ZNF592: variants seen among roughly 807,000 people sequenced by gnomAD.
ZNF592 encodes the protein spinocerebellar ataxia, autosomal recessive 5.
A neutral mutation model predicts 80.3 loss-of-function variants in ZNF592; 11 were observed. The ratio of observed to expected loss-of-function variants is 0.14; its 90% CI spans 0.09 to 0.23. The LOEUF (loss-of-function observed/expected upper bound fraction) is 0.23, where lower values mean the gene tolerates loss of function less well. Ranked by LOEUF, ZNF592 falls within the 10% of genes least tolerant of loss-of-function variation. The pLI is 1.00. For missense variants in ZNF592, 1,420 were observed against 1,633.9 expected (o/e 0.87, Z 2.26); for synonymous variants, 646 against 640.3 (o/e 1.01, Z -0.13).
In ZNF592 at chr15:84,750,828, A is replaced by G. The variant is rs1596101060; in HGVS notation, c.-259+2164A>G. 2.0e-5 allele frequency among the ~76,000 whole-genome samples: 3 copies of G among 152,188 alleles called. No individual in the cohort carries two copies. In the East Asian group the frequency reaches 5.8e-4, roughly 29 times the overall value. The stretch of plus-strand genomic sequence containing the variant: ...GAGGCCTGTGGGGCTGGAGGGGGAA[A>G]GGGAGAGGGGAGATTAGTCTGGAGA... On this transcript the variant is annotated intron_variant, in intron 1 of 10. Transcript: ENST00000560079.
In ZNF592 at chr15:84,790,748, T is replaced by C; in HGVS notation, c.2264T>C (p.Phe755Ser). 1 of 1,614,154 alleles carries C rather than the reference T, an allele frequency of 6.2e-7. No homozygotes were observed. Among genetic ancestry groups the C allele is most frequent in the Non-Finnish European group, 8.5e-7 (1 of 1,180,016 alleles). ...CQMLLPNQCSFCAHQRIHAHK... is the reference protein window; with the variant it reads ...CQMLLPNQCSSCAHQRIHAHK... The stretch of plus-strand genomic sequence containing the variant: ...ATGCTGCTGCCCAACCAGTGCAGTT[T>C]CTGTGCCCACCAGCGGATTCATGCA... Residue 755 changes from phenylalanine (F) to serine (S), a missense_variant, in exon 5 of 11, where the codon TTC becomes TCC. Phe to Ser is a radical substitution (Grantham distance 155, BLOSUM62 -2). Coordinates refer to ENST00000560079, the MANE Select transcript of ZNF592 (RefSeq NM_014630.3).
At chr15:84,764,217 C>T (rs1356521218) in intron 1 of ZNF592, among the ~76,000 whole-genome samples, 1 of 152,168 alleles carries the variant, frequency 6.6e-6, no homozygotes, top group Non-Finnish European at 1.5e-5. Context: ...TCTTTCTGTC[C>T]TCTCTGCATG....
Position 84,802,781 on chromosome 15 carries a change from G to A in ZNF592, c.*388G>A, listed in dbSNP as rs868368168. Reference sequence around the variant, plus strand: ...GCCTTCAGCCAGGGCGCTCCTCAGAGCTCTATTTTCCTGCAGACACCAGCT... The same window carrying A: ...GCCTTCAGCCAGGGCGCTCCTCAGAACTCTATTTTCCTGCAGACACCAGCT... On this transcript the variant is annotated 3_prime_UTR_variant, in exon 11 of 11. Coordinates refer to ENST00000560079, the MANE Select transcript of ZNF592 (RefSeq NM_014630.3). 2.7e-5 allele frequency: 7 copies of A among 261,570 alleles called. No individual in the cohort carries two copies. The highest frequency in any genetic ancestry group is 1.4e-3 in the Middle Eastern group (1 of 728). The allele number at this position is 261,570 out of a possible 1,614,324, so 16.2% of individuals were successfully genotyped here.
At chr15:84,769,124 A>G (rs1205291392) in intron 2 of ZNF592, among the ~76,000 whole-genome samples, 1 of 152,080 alleles carries the variant, frequency 6.6e-6, no homozygotes, top group African/African-American at 2.4e-5. Context: ...TATTTTTAGT[A>G]GAGACAGGGT....
In ZNF592 at chr15:84,799,190, A is replaced by G. The variant is rs781210439; in HGVS notation, c.3117A>G (p.Val1039=). ...RKHIRNNHDT[V]KKFYTCGYCT... Reference sequence around the variant, plus strand: ...ACATCCGCAACAACCATGACACAGTAAAGAAGTTCTACACCTGCGGGTGAG... The same window carrying G: ...ACATCCGCAACAACCATGACACAGTGAAGAAGTTCTACACCTGCGGGTGAG... Residue 1039 remains valine, a synonymous_variant, in exon 9 of 11, where the codon GTA becomes GTG. Coordinates refer to ENST00000560079, the MANE Select transcript of ZNF592 (RefSeq NM_014630.3). The surrounding 1 kb of genome is among the most constrained non-coding windows in gnomAD (Gnocchi z 4.2). The G allele has an allele frequency of 1.9e-6, 3 of 1,614,096 alleles. No homozygotes were observed. Among genetic ancestry groups the G allele is most frequent in the Middle Eastern group, 1.6e-4 (1 of 6,062 alleles).
chr15:84,773,161 A>G (rs963778305), intron 2 of ZNF592, among the ~76,000 whole-genome samples: 1 of 151,002 alleles, frequency 6.6e-6, no homozygotes, highest in African/African-American at 2.4e-5. Flanking sequence ...AGATAAAATC[A>G]TCTTTTGTCT....
intron 1 of ZNF592, among the ~76,000 whole-genome samples, chr15:84,749,162 A>C (rs190518916): frequency 6.6e-6 from 1 of 152,204 alleles, no homozygotes; most frequent in South Asian, 2.1e-4. Context: ...CCTGAGCCCA[A>C]GTTCTGACCC....
chr15:84,802,369 C>G lies in ZNF592; in HGVS notation c.3780C>G (p.Ser1260Arg). Residue 1260 changes from serine to arginine, a missense_variant, in exon 11 of 11, where the codon AGC becomes AGG. Physicochemically the swap from Ser to Arg is moderately radical, Grantham distance 110. This residue lies in a region of ZNF592 where 24 missense variants were observed against 16.7 expected (regional missense o/e 1.44). Transcript: ENST00000560079. ...CACAGGCCTCTCAGGACCAGGACAG[C>G]CACACACTGTCCCCTCAGGTGTGAC... ...SQPQASQDQD[S>R]HTLSPQV is the part of the protein sequence containing the mutation. 1 of 1,613,718 alleles carries G rather than the reference C, an allele frequency of 6.2e-7. No individual in the cohort carries two copies. The highest frequency in any genetic ancestry group is 8.5e-7 in the Non-Finnish European group (1 of 1,180,030).
In ZNF592 at chr15:84,783,526, G is replaced by A. The variant is rs1205849460; in HGVS notation, c.851G>A (p.Cys284Tyr). 2 of 1,614,222 alleles carry A rather than the reference G, an allele frequency of 1.2e-6. No individual in the cohort carries two copies. The highest frequency in any genetic ancestry group is 1.3e-5 in the African/African-American group (1 of 75,064). Residue 284 changes from cysteine (C) to tyrosine (Y), a missense_variant, in exon 4 of 11, where the codon TGT becomes TAT. Physicochemically the swap from Cys to Tyr is radical, Grantham distance 194. This residue lies in a region of ZNF592 where 373 missense variants were observed against 355.5 expected (regional missense o/e 1.05). Coordinates refer to ENST00000560079, the MANE Select transcript of ZNF592 (RefSeq NM_014630.3). This position sits in a 1 kb window ranked among gnomAD's most constrained non-coding sequence, Gnocchi z 5.0. ...LKPAHSKLSSCVAALVALQAK... is the reference protein window; with the variant it reads ...LKPAHSKLSSYVAALVALQAK... ...CCAGCTCATTCCAAGCTGTCCTCTTGTGTGGCAGCCTTGGTGGCCTTGCAG... is the reference window on the plus strand; with the variant it reads ...CCAGCTCATTCCAAGCTGTCCTCTTATGTGGCAGCCTTGGTGGCCTTGCAG...
At chr15:84,755,444 G>C (rs919254485) in intron 1 of ZNF592, among the ~76,000 whole-genome samples, 4 of 151,838 alleles carry the variant, frequency 2.6e-5, no homozygotes, top group African/African-American at 9.7e-5. Flanking sequence ...AAACTTTTTT[G>C]AGTAGTCCAG....
At chr15:84,801,600 C>T (rs1963098142) in intron 10 of ZNF592, among the ~76,000 whole-genome samples, 1 of 152,160 alleles carries the variant, frequency 6.6e-6, no homozygotes, top group African/African-American at 2.4e-5. Context: ...AGCCACAAAC[C>T]CAGGTAATAT....
At chr15:84,757,892 G>A (rs1899225041) in intron 1 of ZNF592, among the ~76,000 whole-genome samples, 1 of 150,302 alleles carries the variant, frequency 6.7e-6, no homozygotes, top group Non-Finnish European at 1.5e-5. Flanking sequence ...AAACTCCTGA[G>A]CTCAGGCAGT....
rs1596134075 is a variant in ZNF592, at chr15:84,797,730, G to A, written c.2400-139G>A. 4.1e-6 allele frequency: 4 copies of A among 977,370 alleles called. No individual in the cohort carries two copies. In the East Asian group the frequency reaches 9.9e-5, roughly 24 times the overall value. The allele number at this position is 977,370 out of a possible 1,614,324, so 60.5% of individuals were successfully genotyped here. The stretch of plus-strand genomic sequence containing the variant: ...CCTCAGGACGTACTTGTCAAGGGTG[G>A]AAGTCCAAGTGATTGAGGGAGGGAG... On this transcript the variant is annotated intron_variant, in intron 5 of 10. Coordinates refer to ENST00000560079, the MANE Select transcript of ZNF592 (RefSeq NM_014630.3).
chr15:84,794,528 T>C (rs1368670759), intron 5 of ZNF592, among the ~76,000 whole-genome samples: 2 of 151,770 alleles, frequency 1.3e-5, no homozygotes, highest in Admixed American at 1.3e-4. Context: ...CAGGCTGGAG[T>C]GCAGTGGCGC....
intron 2 of ZNF592, among the ~76,000 whole-genome samples, chr15:84,774,498 G>A (rs1962184535): frequency 6.6e-6 from 1 of 152,192 alleles, no homozygotes; most frequent in African/African-American, 2.4e-5. Flanking sequence ...TTATGGGTTG[G>A]AAACCACCAT....
At chr15:84,780,782 GTTGT>G (rs1291569669) in intron 3 of ZNF592, among the ~76,000 whole-genome samples, 1 of 151,800 alleles carries the variant, frequency 6.6e-6, no homozygotes, top group Non-Finnish European at 1.5e-5. Context: ...TGTTGTTGTT[GTTGT>G]TGTTGTTGTT....
rs183578072 is a variant in ZNF592, at chr15:84,791,889, G to C, written c.2399+1006G>C. ...AGAGGAATGTCAGGATGAATTGTGG[G>C]AGTGGGGAGAAATGAGACTAGGGAG... On this transcript the variant is annotated intron_variant, in intron 5 of 10. Coordinates refer to ENST00000560079, the MANE Select transcript of ZNF592 (RefSeq NM_014630.3). Among the ~76,000 whole-genome samples, 6 of 152,356 alleles carry C rather than the reference G, an allele frequency of 3.9e-5. No individual in the cohort carries two copies. In the East Asian group the frequency reaches 1.2e-3, roughly 29 times the overall value.
At chr15:84,795,113 G>A (rs1962857510) in intron 5 of ZNF592, among the ~76,000 whole-genome samples, 1 of 150,604 alleles carries the variant, frequency 6.6e-6, no homozygotes, top group African/African-American at 2.4e-5. Flanking sequence ...TGTATTTTAT[G>A]TAAAATATGC....
rs751983283 is a variant in ZNF592 at position 84,784,357 on chromosome 15, G to C, written c.1682G>C (p.Ser561Thr). 3 of 1,614,200 alleles carry C rather than the reference G, an allele frequency of 1.9e-6. No homozygotes were observed. Among genetic ancestry groups the C allele is most frequent in the East Asian group, 4.5e-5 (2 of 44,882 alleles). The change falls in exon 4 of 11, where the codon AGC becomes ACC. Residue 561 changes from serine to threonine, a missense_variant. Transcript: ENST00000560079. This position sits in a 1 kb window ranked among gnomAD's most constrained non-coding sequence, Gnocchi z 5.8. ...GAGGTCTTCAACAAGGTCCTTCACA[G>C]CTCCAACCCCGTGCCCCTCTATGCG... ...IVEVFNKVLH[S>T]SNPVPLYAPN...
Sources: gnomAD v4.1 joint callset for allele counts (sites outside exome capture counted in the v4.1 genomes callset) on GRCh38, gnomAD v4.1.1 for gene constraint, gnomAD v4.1.1 regional missense constraint, Gnocchi (gnomAD v3.1) non-coding constraint, MANE v1.5 for transcripts, NCBI Gene and HGNC (gene_info 2026-07-23, HGNC 2026-07-21) for gene names.